Variants in PI15 observed in about 807,000 individuals in gnomAD.
PI15 encodes 25 kDa trypsin inhibitor.
A neutral mutation model predicts 31.0 loss-of-function variants in PI15; 18 were observed. The observed-to-expected ratio is 0.58, with a 90% CI of 0.40 to 0.86. PI15 has a LOEUF of 0.86. Among genes scored for constraint, PI15 ranks in the 40% least tolerant of loss-of-function variants. The pLI, the probability that PI15 is intolerant of heterozygous loss-of-function variation, is 0.00. For synonymous variants in PI15, 118 were observed against 119.1 expected, an observed-to-expected ratio of 0.99 and a Z score of 0.06; for missense variants, 282 against 328.1, an observed-to-expected ratio of 0.86 and a Z score of 1.09.
rs1292174651 is a variant in PI15 at position 74,849,952 on chromosome 8, C to T, written c.*699C>T. Reference sequence around the variant, plus strand: ...CTTAGTCTCATTTTATTCATTCAGTCGTCATGAGTTGAGTGCTTACTACAT... The same window carrying T: ...CTTAGTCTCATTTTATTCATTCAGTTGTCATGAGTTGAGTGCTTACTACAT... On this transcript the variant is annotated 3_prime_UTR_variant, in exon 6 of 6. Transcript: ENST00000260113. The T allele has an allele frequency of 6.6e-6, 1 of 152,100 alleles. No individual in the cohort carries two copies. The highest frequency in any genetic ancestry group is 1.9e-4 in the East Asian group (1 of 5,196). 9.4% of individuals were successfully genotyped at this position (152,100 alleles called of 1,614,324 possible). A position where few individuals can be genotyped will look rare whatever the true frequency, so the allele number is the denominator to read the frequency against.
intron 2 of PI15, among the ~76,000 whole-genome samples, chr8:74,834,106 C>T (rs988818265): frequency 1.3e-5 from 2 of 152,136 alleles, no homozygotes; most frequent in Non-Finnish European, 2.9e-5. Flanking sequence ...CATCCCTTCC[C>T]ACATTCCTCC....
intron 2 of PI15, among the ~76,000 whole-genome samples, chr8:74,828,425 C>T (rs1354100810): frequency 6.6e-6 from 1 of 152,062 alleles, no homozygotes; most frequent in Non-Finnish European, 1.5e-5. Flanking sequence ...AAGAGTTCAT[C>T]TAAATCCGTC....
At chr8:74,835,722 A>C (rs1189836896) in intron 2 of PI15, among the ~76,000 whole-genome samples, 1 of 152,200 alleles carries the variant, frequency 6.6e-6, no homozygotes, top group Non-Finnish European at 1.5e-5. Context: ...ACTTCAAAAG[A>C]AGCAAATTTG....
In PI15 at chr8:74,852,684, A is replaced by G. The variant is rs1811124823; in HGVS notation, c.*3431A>G. The G allele has an allele frequency of 6.6e-6, 1 of 152,164 alleles. No homozygotes were observed. The highest frequency in any genetic ancestry group is 2.1e-4 in the South Asian group (1 of 4,832). The allele number at this position is 152,164 out of a possible 1,614,324, so 9.4% of individuals were successfully genotyped here. ...ACAATAGAAATTTTTCTCATAATAT[A>G]TACCTATGTGAAACCAACTTATCTG... is the stretch of plus-strand genomic sequence containing the variant. On this transcript the variant is annotated 3_prime_UTR_variant, in exon 6 of 6. Transcript: ENST00000260113.
At chr8:74,834,499 A>G (rs1178506951) in intron 2 of PI15, among the ~76,000 whole-genome samples, 2 of 152,182 alleles carry the variant, frequency 1.3e-5, no homozygotes, top group East Asian at 3.8e-4. Context: ...TTAAACATCT[A>G]CACACACAAT....
intron 3 of PI15, chr8:74,844,765 T>C (rs1325117791): frequency 2.4e-5 from 5 of 204,336 alleles, no homozygotes; most frequent in Non-Finnish European, 1.0e-5. Context: ...GTTCTAATAT[T>C]GTGACTACTT....
At chr8:74,837,868 T>C (rs1032544959) in intron 2 of PI15, among the ~76,000 whole-genome samples, 1 of 152,172 alleles carries the variant, frequency 6.6e-6, no homozygotes, top group African/African-American at 2.4e-5. Context: ...ATTTTTATTT[T>C]TAGCATTTTG....
chr8:74,830,639 T>G (rs1810768055), intron 2 of PI15, among the ~76,000 whole-genome samples: 1 of 152,146 alleles, frequency 6.6e-6, no homozygotes, highest in African/African-American at 2.4e-5. Flanking sequence ...TAAACTACTT[T>G]TTGTTTTTCT....
intron 2 of PI15, chr8:74,826,314 C>G (rs1334825034): frequency 1.0e-6 from 1 of 977,338 alleles, no homozygotes; most frequent in Non-Finnish European, 1.2e-6. Flanking sequence ...AGCTTGGAGC[C>G]TGTTTAAGGC....
chr8:74,825,222 G>A lies in PI15; in HGVS notation c.-28G>A, dbSNP rs764514320. The A allele has an allele frequency of 1.1e-5, 17 of 1,607,230 alleles. No homozygotes were observed. The highest frequency in any genetic ancestry group is 2.2e-5 in the South Asian group (2 of 90,892). On this transcript the variant is annotated 5_prime_UTR_variant, in exon 2 of 6. Coordinates refer to ENST00000260113, the MANE Select transcript of PI15 (RefSeq NM_015886.5). The stretch of plus-strand genomic sequence containing the variant: ...TTCTGCTTTAAAGCAAAGTAAACTC[G>A]GTGGCCTCTTCTTCTCCACCCCTCA...
At chr8:74,844,427 C>CTGTG (rs57644375) in intron 3 of PI15, among the ~76,000 whole-genome samples, 1,609 of 141,752 alleles carry the variant, frequency 0.011, 28 homozygotes, top group Admixed American at 0.019. Flanking sequence ...TGTGCAGAGG[C>CTGTG]TGTGTGTGTG....
At chr8:74,828,624 C>T (rs1490824691) in intron 2 of PI15, among the ~76,000 whole-genome samples, 1 of 152,054 alleles carries the variant, frequency 6.6e-6, no homozygotes, top group East Asian at 1.9e-4. Flanking sequence ...TAGTAGAATT[C>T]CTAACCTGTT....
intron 2 of PI15, among the ~76,000 whole-genome samples, chr8:74,830,948 C>T (rs988318923): frequency 6.6e-6 from 1 of 152,138 alleles, no homozygotes; most frequent in Admixed American, 6.5e-5. Context: ...TACATTCCTG[C>T]TCTCCTGGAT....
rs1811096342 is a variant in PI15 at position 74,850,956 on chromosome 8, C to T, written c.*1703C>T. The T allele has an allele frequency of 6.6e-6, 1 of 152,554 alleles. No homozygotes were observed. Among genetic ancestry groups the T allele is most frequent in the Non-Finnish European group, 1.5e-5 (1 of 68,010 alleles). 9.5% of individuals were successfully genotyped at this position (152,554 alleles called of 1,614,324 possible). ...GAAGCTACTTGTTTAAAATTCCATA[C>T]ACGTTTGCAGTTTCTTGTACACATT... On this transcript the variant is annotated 3_prime_UTR_variant, in exon 6 of 6. Coordinates refer to ENST00000260113, the MANE Select transcript of PI15 (RefSeq NM_015886.5).
At chr8:74,848,885 C>T (rs1459634480) in intron 5 of PI15, among the ~76,000 whole-genome samples, 2 of 151,656 alleles carry the variant, frequency 1.3e-5, no homozygotes, top group African/African-American at 4.8e-5. Flanking sequence ...AGGCACCCGC[C>T]ACTACGCCCA....
chr8:74,848,726 TATATATAG>T (rs1239368876), intron 5 of PI15, among the ~76,000 whole-genome samples: 7 of 142,824 alleles, frequency 4.9e-5, no homozygotes, highest in South Asian at 2.1e-4. Context: ...TATATATATA[TATATATAG>T]AGAGAGAGAG....
chr8:74,841,529 C>A (rs1025820548), intron 2 of PI15, among the ~76,000 whole-genome samples: 3 of 152,142 alleles, frequency 2.0e-5, no homozygotes, highest in African/African-American at 7.2e-5. Flanking sequence ...AATATTTTAG[C>A]GTAAGATTAT....
At chr8:74,834,862 ACATTCTCCTGATGATT>A (rs1477472458) in intron 2 of PI15, among the ~76,000 whole-genome samples, 2 of 50,750 alleles carry the variant, frequency 3.9e-5, no homozygotes, top group African/African-American at 2.5e-4. Context: ...GTCAGTGGGC[ACATTCTCCTGATGATT>A]CACATTCTCC....
rs898605265 is a variant in PI15 at position 74,854,616 on chromosome 8, G to GT, written c.*5366dup. On this transcript the variant is annotated 3_prime_UTR_variant, in exon 6 of 6. Coordinates refer to ENST00000260113, the MANE Select transcript of PI15 (RefSeq NM_015886.5). Reference sequence around the variant, plus strand: ...GTTTGTACCTGTTAGCAGTCTTTCAGTTTGGGGGAGAATTAAATACTGTGC... The same window carrying GT: ...GTTTGTACCTGTTAGCAGTCTTTCAGTTTTGGGGGAGAATTAAATACTGTGC... 1 of 152,094 alleles carries GT rather than the reference G, an allele frequency of 6.6e-6. No individual in the cohort carries two copies. The highest frequency in any genetic ancestry group is 2.4e-5 in the African/African-American group (1 of 41,414). 9.4% of individuals were successfully genotyped at this position (152,094 alleles called of 1,614,324 possible).
Sources: gnomAD v4.1 joint callset for allele counts (sites outside exome capture counted in the v4.1 genomes callset) on GRCh38, gnomAD v4.1.1 for gene constraint, MANE v1.5 for transcripts, NCBI Gene and HGNC (gene_info 2026-07-23, HGNC 2026-07-21) for gene names.